Variants in MAP4 observed in about 807,000 individuals in gnomAD.
MAP4 encodes microtubule-associated protein 4.
A neutral mutation model predicts 170.2 loss-of-function variants in MAP4; 76 were observed. That is an observed-to-expected ratio of 0.45 (90% CI 0.37 to 0.54). MAP4 has a LOEUF of 0.54. Ranked by LOEUF, MAP4 falls within the 20% of genes least tolerant of loss-of-function variation. The pLI, the probability that MAP4 is intolerant of heterozygous loss-of-function variation, is 0.00. For synonymous variants in MAP4, 909 were observed against 994.5 expected (o/e 0.91, Z 1.62); for missense variants, 2,506 against 2,748.0 (o/e 0.91, Z 1.97).
intron 3 of MAP4, among the ~76,000 whole-genome samples, chr3:47,962,425 T>C (rs1457316533): frequency 3.9e-5 from 6 of 152,150 alleles, no homozygotes; most frequent in Non-Finnish European, 5.9e-5. Flanking sequence ...CTCCAAGATA[T>C]GCAATCAGCT....
chr3:48,040,499 G>A (rs998640697), intron 1 of MAP4, among the ~76,000 whole-genome samples: 2 of 152,146 alleles, frequency 1.3e-5, no homozygotes, highest in Non-Finnish European at 2.9e-5. Context: ...TCGATCTCCT[G>A]ACCTTGTGAT....
Position 47,877,351 on chromosome 3 carries a change from T to G in MAP4, c.5541+66A>C. On this transcript the variant is annotated intron_variant, in intron 11 of 20. Coordinates refer to ENST00000683076, the MANE Select transcript of MAP4 (RefSeq NM_001385682.1). ...GAAATTTCATTCGTGATTCAAGCAA[T>G]AACAGCAGAAGATACTCCGTTTAAA... 2.5e-6 allele frequency: 3 copies of G among 1,207,030 alleles called. No homozygotes were observed. In the South Asian group the frequency reaches 3.7e-5, roughly 15 times the overall value. 74.8% of individuals were successfully genotyped at this position (1,207,030 alleles called of 1,614,324 possible). A position where few individuals can be genotyped will look rare whatever the true frequency, so the allele number is the denominator to read the frequency against.
chr3:48,080,365 GAGGA>G, intron 1 of MAP4, among the ~76,000 whole-genome samples: 1 of 152,314 alleles, frequency 6.6e-6, no homozygotes, highest in South Asian at 2.1e-4. Context: ...ATTCTACGAG[GAGGA>G]AGAAGTCCAG....
At chr3:47,858,911 G>A (rs750480846) in intron 17 of MAP4, among the ~76,000 whole-genome samples, 34 of 152,190 alleles carry the variant, frequency 2.2e-4, no homozygotes, top group African/African-American at 2.9e-4. Flanking sequence ...GGCGGATCAC[G>A]AGGTCAGGAG....
chr3:47,977,730 A>T (rs1320601969), intron 3 of MAP4, 135 bp downstream of exon 3: 4 of 596,636 alleles, frequency 6.7e-6, no homozygotes, highest in Non-Finnish European at 1.2e-5. Flanking sequence ...GGGTTTAAAT[A>T]CCTCCAACAA....
rs1295356720 is a variant in MAP4 at position 48,042,094 on chromosome 3, G to T, written c.-19-43215C>A. Among the ~76,000 whole-genome samples, 5 of 152,216 alleles carry T rather than the reference G, an allele frequency of 3.3e-5. 1 individual carries two copies. Among genetic ancestry groups the T allele is most frequent in the Non-Finnish European group, 7.3e-5 (5 of 68,050 alleles). ...CGAGTTGTGCGAGCTGCTCTAGCAAGTTAAGCCCATGGCTATAAATGGGAA... is the reference window on the plus strand; with the variant it reads ...CGAGTTGTGCGAGCTGCTCTAGCAATTTAAGCCCATGGCTATAAATGGGAA... On this transcript the variant is annotated intron_variant, in intron 1 of 18. Transcript: ENST00000360240.
chr3:47,993,435 G>C (rs530131590), intron 2 of MAP4, among the ~76,000 whole-genome samples: 1 of 152,290 alleles, frequency 6.6e-6, no homozygotes, highest in South Asian at 2.1e-4. Context: ...TGATCTAATT[G>C]AAGAGGATTG....
intron 2 of MAP4, among the ~76,000 whole-genome samples, chr3:47,996,945 G>A (rs2100096071): frequency 6.6e-6 from 1 of 152,020 alleles, no homozygotes; most frequent in Non-Finnish European, 1.5e-5. Flanking sequence ...AGAAATGCTA[G>A]AAATTAAAAA....
At chr3:47,895,527 G>A (rs967749248) in intron 10 of MAP4, among the ~76,000 whole-genome samples, 1 of 152,212 alleles carries the variant, frequency 6.6e-6, no homozygotes, top group Non-Finnish European at 1.5e-5. Flanking sequence ...TGGGCATGGC[G>A]GACGTTGCAG....
At chr3:47,882,302 A>G (rs993636996) in intron 10 of MAP4, among the ~76,000 whole-genome samples, 1 of 152,142 alleles carries the variant, frequency 6.6e-6, no homozygotes, top group South Asian at 2.1e-4. Context: ...AATAAATGAA[A>G]TAAAGTAAAA....
rs147302962 is a variant in MAP4, at chr3:47,985,610, A to T, written c.224-7677T>A. 1.4e-4 allele frequency among the ~76,000 whole-genome samples: 21 copies of T among 152,296 alleles called. No homozygotes were observed. The East Asian group carries it at 3.9e-3, about 28-fold the overall frequency. On this transcript the variant is annotated intron_variant, in intron 2 of 20. Coordinates refer to ENST00000683076, the MANE Select transcript of MAP4 (RefSeq NM_001385682.1). ...ATATTTACATAGTACTACTGCCAAAAATGTGGAACTTGAATCTAATTATGA... is the reference window on the plus strand; with the variant it reads ...ATATTTACATAGTACTACTGCCAAATATGTGGAACTTGAATCTAATTATGA...
At chr3:48,056,944 A>G (rs867067333) in intron 1 of MAP4, among the ~76,000 whole-genome samples, 3 of 109,926 alleles carry the variant, frequency 2.7e-5, no homozygotes, top group Admixed American at 8.7e-5. Flanking sequence ...TGGGGGGTTC[A>G]GCCCCCCGCC....
chr3:47,945,080 C>T (rs1337934627), intron 3 of MAP4, among the ~76,000 whole-genome samples: 2 of 151,332 alleles, frequency 1.3e-5, no homozygotes, highest in Non-Finnish European at 2.9e-5. Flanking sequence ...TGGCCAGGCG[C>T]GGTGGCTCAC....
chr3:47,916,227 C>A lies in MAP4; in HGVS notation c.1600G>T (p.Val534Leu). 2 of 1,614,192 alleles carry A rather than the reference C, an allele frequency of 1.2e-6. No homozygotes were observed. The highest frequency in any genetic ancestry group is 8.5e-7 in the Non-Finnish European group (1 of 1,180,028). Residue 534 changes from valine to leucine, a missense_variant, in exon 7 of 21, where the codon GTA (valine) becomes TTA (leucine). Coordinates refer to ENST00000683076, the MANE Select transcript of MAP4 (RefSeq NM_001385682.1). The stretch of plus-strand genomic sequence containing the variant: ...ACCTCCATTTCTGGAGGCAGACATA[C>A]GTTCTTGATGAGAACTACTTCTGTT... ...PETEVVLIKN[V>L]CLPPEMEVAL...
At chr3:47,920,968 G>A (rs1053140122) in intron 5 of MAP4, among the ~76,000 whole-genome samples, 3 of 152,082 alleles carry the variant, frequency 2.0e-5, no homozygotes, top group African/African-American at 4.8e-5. Context: ...GACCAGCCTG[G>A]GCAACGTGAC....
At chr3:47,953,684 A>G (rs1215325740) in intron 3 of MAP4, among the ~76,000 whole-genome samples, 1 of 152,098 alleles carries the variant, frequency 6.6e-6, no homozygotes, top group Non-Finnish European at 1.5e-5. Context: ...TGCAAAAAAA[A>G]GCTCGGAAGA....
At position 47,889,890 on chromosome 3, in the gene MAP4, G is replaced by GTGTTTTTTATCTCCATAAAAAACAAAAAA. The variant is rs1171177582; in HGVS notation, c.5435-12396_5435-12368dup. On this transcript the variant is annotated intron_variant, in intron 10 of 20. Coordinates refer to ENST00000683076, the MANE Select transcript of MAP4 (RefSeq NM_001385682.1). ...AGCTTCTTTGCCTCCATAAAAAAAC[G>GTGTTTTTTATCTCCATAAAAAACAAAAAA]TGTTTTTTATCTCCATAAAAAACAA... Among the ~76,000 whole-genome samples the GTGTTTTTTATCTCCATAAAAAACAAAAAA allele has an allele frequency of 5.3e-5, 8 of 149,616 alleles. No individual in the cohort carries two copies. In the East Asian group the frequency reaches 7.8e-4, roughly 15 times the overall value.
chr3:47,931,945 G>T (rs949802222), intron 3 of MAP4: 3 of 151,812 alleles, frequency 2.0e-5, no homozygotes, highest in Non-Finnish European at 4.4e-5. Flanking sequence ...CAGTTTTATC[G>T]AGTATAATTC....
chr3:47,955,482 T>A (rs540907817), intron 3 of MAP4, among the ~76,000 whole-genome samples: 40 of 136,182 alleles, frequency 2.9e-4, no homozygotes, highest in African/African-American at 1.1e-3. Flanking sequence ...ACACACACAC[T>A]AGTCAACTAT....
Sources: gnomAD v4.1 joint callset for allele counts (sites outside exome capture counted in the v4.1 genomes callset) on GRCh38, gnomAD v4.1.1 for gene constraint, MANE v1.5 for transcripts, NCBI Gene and HGNC (gene_info 2026-07-23, HGNC 2026-07-21) for gene names.